BPI: variants seen among roughly 807,000 people sequenced by gnomAD.
BPI encodes the protein bactericidal permeability-increasing protein.
BPI carries 48 observed loss-of-function variants against 57.6 expected under a neutral mutation model. That is an observed-to-expected ratio of 0.83 (90% CI 0.66 to 1.06). BPI has a LOEUF of 1.06. Ranked by LOEUF, BPI falls within the 50% of genes least tolerant of loss-of-function variation. BPI has a pLI of 0.00. For missense variants in BPI, 651 were observed against 609.7 expected (o/e 1.07, Z -0.71); for synonymous variants, 237 against 238.2 (o/e 0.99, Z 0.05).
At position 38,320,263 on chromosome 20, in the gene BPI, G is replaced by A. The variant is rs2076674556; in HGVS notation, c.745G>A (p.Val249Ile). Residue 249 changes from valine to isoleucine, a missense_variant, in exon 7 of 15, where the codon GTA becomes ATA. Physicochemically the swap from Val to Ile is conservative, Grantham distance 29 (BLOSUM62 3). Transcript: ENST00000642449. ...AGCAACCACGGCTGAGACCCTGGAT[G>A]TACAGATGAAGGTGAGGCTGACACT... ...PPATTAETLDVQMKGEFYSEN... is the reference protein window; with the variant it reads ...PPATTAETLDIQMKGEFYSEN... 1.2e-6 allele frequency: 2 copies of A among 1,613,890 alleles called. No homozygotes were observed. Among genetic ancestry groups the A allele is most frequent in the Admixed American group, 1.7e-5 (1 of 60,018 alleles).
intron 5 of BPI, among the ~76,000 whole-genome samples, chr20:38,314,769 G>A (rs1423203971): frequency 6.9e-6 from 1 of 144,988 alleles, no homozygotes; most frequent in Non-Finnish European, 1.5e-5. Flanking sequence ...GATGGTAATG[G>A]TGGGGATGAT....
chr20:38,317,753 C>T (rs1476620898), intron 5 of BPI: 1 of 1,260,012 alleles, frequency 7.9e-7, no homozygotes, highest in East Asian at 2.5e-5. Flanking sequence ...TTGCCATGTT[C>T]CGTTTTACAG....
intron 5 of BPI, among the ~76,000 whole-genome samples, chr20:38,312,454 C>G (rs1378912241): frequency 6.6e-6 from 1 of 152,258 alleles, no homozygotes; most frequent in Non-Finnish European, 1.5e-5. Context: ...CCTAAACCCG[C>G]AACCCACATA....
intron 7 of BPI, among the ~76,000 whole-genome samples, chr20:38,321,475 C>A (rs536535637): frequency 6.6e-6 from 1 of 152,210 alleles, no homozygotes; most frequent in South Asian, 2.1e-4. Context: ...CCCACCTCTA[C>A]CCCGCTGGCT....
At chr20:38,336,317 T>C (rs1171864628) in intron 14 of BPI, among the ~76,000 whole-genome samples, 2 of 152,128 alleles carry the variant, frequency 1.3e-5, no homozygotes, top group African/African-American at 2.4e-5. Context: ...TTCGTCACTC[T>C]TGTCAACCTC....
chr20:38,324,170 A>AAC, intron 8 of BPI, 124 bp downstream of exon 8: 2 of 1,198,994 alleles, frequency 1.7e-6, no homozygotes, highest in Non-Finnish European at 2.3e-6. Context: ...CTCTAGAGTC[A>AAC]GCTAGAGCTG....
intron 12 of BPI, among the ~76,000 whole-genome samples, chr20:38,332,056 G>T (rs1031781947): frequency 1.3e-5 from 2 of 152,198 alleles, no homozygotes; most frequent in Non-Finnish European, 2.9e-5. Flanking sequence ...GTAGAGACAA[G>T]CTTGGTGCGT....
At chr20:38,318,079 A>G in intron 5 of BPI, 2 of 975,194 alleles carry the variant, frequency 2.1e-6, no homozygotes, top group Non-Finnish European at 2.4e-6. Context: ...GAGACAGCAA[A>G]ATCAAACAGA....
intron 11 of BPI, 74 bp downstream of exon 11, chr20:38,327,729 G>A (rs2076720964): frequency 6.6e-7 from 1 of 1,517,486 alleles, no homozygotes; most frequent in African/African-American, 1.4e-5. Context: ...GTGGTCCTGT[G>A]ATATACAGAA....
rs557458963 is a variant in BPI at position 38,311,037 on chromosome 20, G to C, written c.536+385G>C. 5.4e-4 allele frequency among the ~76,000 whole-genome samples: 82 copies of C among 152,364 alleles called. No individual in the cohort carries two copies. In the Middle Eastern group the frequency reaches 0.01, roughly 19 times the overall value. ...TGCAACATGGTCAGGAAACAGGAGT[G>C]ACAAATGAAAACTTAGCAAGAGCTA... On this transcript the variant is annotated intron_variant, in intron 4 of 14. Coordinates refer to ENST00000642449, the MANE Select transcript of BPI (RefSeq NM_001725.3).
In BPI at chr20:38,324,927, AAC is replaced by A. The variant is rs2076704919; in HGVS notation, c.993+102_993+103del. 4.0e-6 allele frequency: 4 copies of A among 995,718 alleles called. No homozygotes were observed. The East Asian group carries it at 7.2e-5, about 18-fold the overall frequency. 61.7% of individuals were successfully genotyped at this position (995,718 alleles called of 1,614,324 possible). A position where few individuals can be genotyped will look rare whatever the true frequency, so the allele number is the denominator to read the frequency against. ...ATGATGAGAGCCCTCCACCCAACAT[AAC>A]ACACACAAGATCCAGAAACAACCCA... On this transcript the variant is annotated intron_variant, in intron 9 of 14. Coordinates refer to ENST00000642449, the MANE Select transcript of BPI (RefSeq NM_001725.3).
chr20:38,327,041 C>T (rs149625204), intron 10 of BPI, among the ~76,000 whole-genome samples: 70 of 152,196 alleles, frequency 4.6e-4, no homozygotes, highest in Non-Finnish European at 9.0e-4. Flanking sequence ...TGCATTCATC[C>T]CTTTGATCAC....
intron 11 of BPI, among the ~76,000 whole-genome samples, chr20:38,329,721 T>A (rs1442819195): frequency 6.6e-6 from 1 of 152,034 alleles, no homozygotes; most frequent in African/African-American, 2.4e-5. Context: ...TTATTTTATT[T>A]ATTTTTTTTT....
intron 5 of BPI, among the ~76,000 whole-genome samples, 197 bp from the exon 6 acceptor site, chr20:38,318,208 CCATACAGT>C (rs2076662006): frequency 6.6e-6 from 1 of 152,054 alleles, no homozygotes; most frequent in South Asian, 2.1e-4. Flanking sequence ...GTTATGTGGG[CCATACAGT>C]CATATACAGT....
intron 4 of BPI, among the ~76,000 whole-genome samples, chr20:38,311,649 TGGGACGG>T (rs1178332071): frequency 6.6e-6 from 1 of 152,058 alleles, no homozygotes; most frequent in East Asian, 1.9e-4. Context: ...GGAATGAGAC[TGGGACGG>T]GGGCCCAGCC....
At chr20:38,314,177 GATA>G (rs200412401) in intron 5 of BPI, among the ~76,000 whole-genome samples, 14 of 85,486 alleles carry the variant, frequency 1.6e-4, no homozygotes, top group East Asian at 5.5e-4. Context: ...TGGGGATGAT[GATA>G]ATAATGATGG....
chr20:38,337,127 C>T lies in BPI; in HGVS notation c.1414-19C>T. The T allele has an allele frequency of 3.7e-6, 6 of 1,602,136 alleles. No homozygotes were observed. The highest frequency in any genetic ancestry group is 5.1e-6 in the Non-Finnish European group (6 of 1,175,058). ...GGGGTGCATCTTCAACTGGTGACAA[C>T]ATTCTCATCTCTCCCTAGAACTTCC... On this transcript the variant is annotated intron_variant, in intron 14 of 14. Coordinates refer to ENST00000642449, the MANE Select transcript of BPI (RefSeq NM_001725.3).
At chr20:38,330,980 T>C (rs907892467) in intron 11 of BPI, 68 bp from the exon 12 acceptor site, 1 of 1,571,156 alleles carries the variant, frequency 6.4e-7, no homozygotes, top group Non-Finnish European at 8.8e-7. Context: ...GTCTCTCCTC[T>C]CTAGAGACTG....
intron 12 of BPI, among the ~76,000 whole-genome samples, chr20:38,331,923 A>G (rs1801278797): frequency 6.6e-6 from 1 of 151,946 alleles, no homozygotes. Context: ...ATGGGCGGAA[A>G]GTGATGAGGG....
Sources: gnomAD v4.1 joint callset for allele counts (sites outside exome capture counted in the v4.1 genomes callset) on GRCh38, gnomAD v4.1.1 for gene constraint, MANE v1.5 for transcripts, NCBI Gene and HGNC (gene_info 2026-07-23, HGNC 2026-07-21) for gene names.